Variants in GRAMD1B observed in about 807,000 individuals in gnomAD.
GRAMD1B encodes protein Aster-B.
In GRAMD1B, 37 loss-of-function variants were observed where a neutral mutation model predicts 99.7. The ratio of observed to expected loss-of-function variants is 0.37; its 90% confidence interval spans 0.29 to 0.49. GRAMD1B has a LOEUF of 0.49. Among genes scored for constraint, GRAMD1B ranks in the 20% least tolerant of loss-of-function variants. The probability of loss-of-function intolerance (pLI) is 0.98; values close to 1 mark genes in which losing one functional copy is unlikely to be tolerated. For synonymous variants in GRAMD1B, 427 were observed against 387.6 expected, an observed-to-expected ratio of 1.10 and a Z score of -1.19; for missense variants, 888 against 1,009.2, an observed-to-expected ratio of 0.88 and a Z score of 1.63.
chr11:123,439,645 G>C (rs1949319006), intron 1 of GRAMD1B, among the ~76,000 whole-genome samples: 1 of 152,202 alleles, frequency 6.6e-6, no homozygotes, highest in Admixed American at 6.5e-5. Context: ...ATCTGTAGAT[G>C]AGATGGAGGA....
intron 1 of GRAMD1B, among the ~76,000 whole-genome samples, chr11:123,370,403 C>T (rs113194374): frequency 0.034 from 4,587 of 134,468 alleles, 248 homozygotes; most frequent in African/African-American, 0.13. Flanking sequence ...TGCAGTGGTG[C>T]GATCTTGACT....
chr11:123,469,776 T>TTTCTTTCCTTCC (rs1334798295), intron 1 of GRAMD1B, among the ~76,000 whole-genome samples: 6 of 129,944 alleles, frequency 4.6e-5, no homozygotes, highest in African/African-American at 1.3e-4. Context: ...TTTCTCTTTC[T>TTTCTTTCCTTCC]TTCCTTCCTT....
chr11:123,391,929 A>G (rs1426758352), intron 1 of GRAMD1B, among the ~76,000 whole-genome samples: 4 of 152,242 alleles, frequency 2.6e-5, no homozygotes, highest in African/African-American at 9.6e-5. Context: ...GTACATTTAC[A>G]AAATGTCAGG....
At chr11:123,379,255 T>G (rs1190535159) in intron 1 of GRAMD1B, among the ~76,000 whole-genome samples, 1 of 152,170 alleles carries the variant, frequency 6.6e-6, no homozygotes, top group Non-Finnish European at 1.5e-5. Context: ...TCCAACCTCA[T>G]CTAATTATTC....
intron 19 of GRAMD1B, among the ~76,000 whole-genome samples, chr11:123,621,475 A>T (rs1389365227): frequency 6.6e-6 from 1 of 152,232 alleles, no homozygotes; most frequent in Non-Finnish European, 1.5e-5. Context: ...GATTAGACAC[A>T]GTTCTAGTCC....
At chr11:123,618,837 C>T in intron 18 of GRAMD1B, 37 bp downstream of exon 18, 1 of 1,009,970 alleles carries the variant, frequency 9.9e-7, no homozygotes, top group African/African-American at 1.6e-5. Flanking sequence ...CCACCTTCAT[C>T]CCACCCAGTG....
intron 3 of GRAMD1B, among the ~76,000 whole-genome samples, chr11:123,583,565 A>T (rs1949706017): frequency 6.6e-6 from 1 of 152,172 alleles, no homozygotes; most frequent in South Asian, 2.1e-4. Flanking sequence ...AAGACAGACA[A>T]GGCACGATCT....
upstream of GRAMD1B, among the ~76,000 whole-genome samples, chr11:123,427,358 C>G (rs1445188026): frequency 6.6e-6 from 1 of 152,194 alleles, no homozygotes; most frequent in Non-Finnish European, 1.5e-5. Flanking sequence ...TACTGAATCT[C>G]TCTGTCCCAC....
At chr11:123,532,504 A>G (rs1455801919) in intron 2 of GRAMD1B, among the ~76,000 whole-genome samples, 1 of 152,186 alleles carries the variant, frequency 6.6e-6, no homozygotes, top group Non-Finnish European at 1.5e-5. Context: ...AGCTGCTCTT[A>G]TTGGTAGTGT....
chr11:123,603,582 G>T, intron 9 of GRAMD1B, 41 bp downstream of exon 9: 1 of 1,187,606 alleles, frequency 8.4e-7, no homozygotes, highest in South Asian at 1.2e-5. Flanking sequence ...GCAGCCGTGC[G>T]AGTGCCTGCA....
chr11:123,582,294 C>A (rs1000483411), intron 3 of GRAMD1B, among the ~76,000 whole-genome samples: 3 of 152,238 alleles, frequency 2.0e-5, no homozygotes, highest in African/African-American at 4.8e-5. Flanking sequence ...GCCCCATCCA[C>A]CCCCTCCAGA....
At chr11:123,529,760 G>A (rs2714066) in intron 2 of GRAMD1B, among the ~76,000 whole-genome samples, 142,270 of 152,262 alleles carry the variant, frequency 0.93, 66,506 homozygotes, top group East Asian at 1. Context: ...GTAGAGCCTT[G>A]GAACCTCAAA....
intron 1 of GRAMD1B, among the ~76,000 whole-genome samples, chr11:123,370,855 C>T (rs868831819): frequency 1.1e-4 from 16 of 152,074 alleles, no homozygotes; most frequent in African/African-American, 3.4e-4. Context: ...TCTCAATCTG[C>T]ACCATACCCC....
At chr11:123,398,472 A>C (rs908080239) in intron 1 of GRAMD1B, among the ~76,000 whole-genome samples, 1 of 152,226 alleles carries the variant, frequency 6.6e-6, no homozygotes, top group African/African-American at 2.4e-5. Context: ...TTTTGGGATT[A>C]ATTTTTGAAC....
At chr11:123,436,554 A>G (rs2846293) in intron 1 of GRAMD1B, among the ~76,000 whole-genome samples, 85,082 of 151,986 alleles carry the variant, frequency 0.56, 24,151 homozygotes, top group East Asian at 0.73. Flanking sequence ...AGGCAAAGTG[A>G]AGTCAATTCA....
At chr11:123,377,084 A>G (rs1946714890) in intron 1 of GRAMD1B, among the ~76,000 whole-genome samples, 1 of 152,210 alleles carries the variant, frequency 6.6e-6, no homozygotes, top group African/African-American at 2.4e-5. Context: ...GAACACAAGT[A>G]TTGACTTTGA....
At chr11:123,566,961 C>T (rs850294) in intron 2 of GRAMD1B, among the ~76,000 whole-genome samples, 14,287 of 152,156 alleles carry the variant, frequency 0.094, 800 homozygotes, top group Admixed American at 0.16. Context: ...AGACAATTTC[C>T]GCTCCTATAA....
chr11:123,601,690 A>AT (rs1952002860), intron 8 of GRAMD1B, among the ~76,000 whole-genome samples: 1 of 152,192 alleles, frequency 6.6e-6, no homozygotes, highest in South Asian at 2.1e-4. Flanking sequence ...ATCACTCCTG[A>AT]TAACTTATTT....
chr11:123,457,873 C>T (rs1950231022), intron 1 of GRAMD1B, among the ~76,000 whole-genome samples: 1 of 152,050 alleles, frequency 6.6e-6, no homozygotes, highest in South Asian at 2.1e-4. Context: ...CACCACCGCA[C>T]CTGGCTAATT....
Sources: gnomAD v4.1 joint callset for allele counts (sites outside exome capture counted in the v4.1 genomes callset) on GRCh38, gnomAD v4.1.1 for gene constraint, MANE v1.5 for transcripts, NCBI Gene and HGNC (gene_info 2026-07-23, HGNC 2026-07-21) for gene names.